The following AGK variants were observed in gnomAD, a reference collection of about 807,000 sequenced individuals.
AGK encodes acylglycerol kinase, mitochondrial.
Under a neutral mutation model 66.4 loss-of-function variants are expected in AGK, and 52 were observed. That is an observed-to-expected ratio of 0.78 (90% CI 0.63 to 0.99). AGK has a LOEUF of 0.99. Among genes scored for constraint, AGK ranks in the 50% least tolerant of loss-of-function variants. The pLI is 0.00. For synonymous variants in AGK, 182 were observed against 181.1 expected (o/e 1.00, Z -0.04); for missense variants, 451 against 506.6 (o/e 0.89, Z 1.05).
At chr7:141,619,772 T>C (rs551219689) in intron 8 of AGK, among the ~76,000 whole-genome samples, 5 of 152,060 alleles carry the variant, frequency 3.3e-5, no homozygotes, top group Admixed American at 2.6e-4. Context: ...CTTTAGAAAA[T>C]GGTTTGGCAG....
chr7:141,646,636 A>G (rs1332157494), intron 13 of AGK, among the ~76,000 whole-genome samples: 1 of 152,214 alleles, frequency 6.6e-6, no homozygotes, highest in East Asian at 1.9e-4. Flanking sequence ...ACAGCCTTGA[A>G]GCTAACAATA....
At chr7:141,594,079 C>T (rs889488849) in intron 3 of AGK, 5 of 152,156 alleles carry the variant, frequency 3.3e-5, no homozygotes, top group African/African-American at 1.2e-4. Flanking sequence ...TGTTATCTAG[C>T]TGTTCTAAAC....
intron 2 of AGK, among the ~76,000 whole-genome samples, chr7:141,584,490 A>G (rs928119672): frequency 2.4e-4 from 37 of 152,174 alleles, no homozygotes; most frequent in African/African-American, 8.7e-4. Context: ...ATGTCTCCCT[A>G]AAATGTATAA....
chr7:141,591,373 G>A (rs772070078), intron 2 of AGK, among the ~76,000 whole-genome samples: 18 of 152,072 alleles, frequency 1.2e-4, no homozygotes, highest in South Asian at 6.2e-4. Context: ...GATTACAGGT[G>A]TGAGCCACTG....
intron 7 of AGK, 48 bp from the exon 8 acceptor site, chr7:141,615,423 G>T: frequency 6.6e-7 from 1 of 1,524,332 alleles, no homozygotes; most frequent in South Asian, 1.1e-5. Context: ...CATTAAGCCT[G>T]ATTTTCTGAT....
Position 141,604,374 on chromosome 7 carries a change from G to GTGTATA in AGK, c.297+3095_297+3096insGTATAT, listed in dbSNP as rs1554400830. Among the ~76,000 whole-genome samples the GTGTATA allele has an allele frequency of 2.1e-3, 241 of 113,800 alleles. 3 individuals are homozygous for GTGTATA. The highest frequency in any genetic ancestry group is 6.4e-3 in the African/African-American group (187 of 29,226). The allele number at this position is 113,800 out of a possible 152,430, so 74.7% of individuals were successfully genotyped here. ...CATATGTATGAATGTGTGTGTGTGT[G>GTGTATA]TATATATATATATATATATATATAT... On this transcript the variant is annotated intron_variant, in intron 5 of 15. Transcript: ENST00000649286.
intron 13 of AGK, 126 bp from the exon 14 acceptor site, chr7:141,649,137 T>A (rs1797488839): frequency 1.2e-5 from 5 of 412,770 alleles, no homozygotes; most frequent in Non-Finnish European, 2.2e-5. Context: ...TGGAATTAAA[T>A]CACTACAAGT....
At position 141,633,897 on chromosome 7, in the gene AGK, C is replaced by T. The variant is rs1200488928; in HGVS notation, c.589-4C>T. 1.2e-6 allele frequency: 2 copies of T among 1,612,316 alleles called. No homozygotes were observed. Among genetic ancestry groups the T allele is most frequent in the Non-Finnish European group, 1.7e-6 (2 of 1,178,408 alleles). On this transcript the variant is annotated splice_polypyrimidine_tract_variant and splice_region_variant and intron_variant, in intron 9 of 15. Coordinates refer to ENST00000649286, the MANE Select transcript of AGK (RefSeq NM_018238.4). The stretch of plus-strand genomic sequence containing the variant: ...AATTTAAATGAAATGTATTTAACTT[C>T]CAGGGTGAAAAGGAACAGCCTGTAT...
Position 141,654,651 on chromosome 7 carries a change from C to T in AGK, c.*1727C>T, listed in dbSNP as rs1281012894. ...GTTCAGTGGCCCTGAGGTTCTTACA[C>T]TCTAGGGGGCAGTGCACCACAGGAA... On this transcript the variant is annotated 3_prime_UTR_variant, in exon 16 of 16. Transcript: ENST00000649286. The T allele has an allele frequency of 6.6e-6, 1 of 152,208 alleles. No individual in the cohort carries two copies. Among genetic ancestry groups the T allele is most frequent in the Non-Finnish European group, 1.5e-5 (1 of 68,050 alleles). 9.4% of individuals were successfully genotyped at this position (152,208 alleles called of 1,614,324 possible). A position where few individuals can be genotyped will look rare whatever the true frequency, so the allele number is the denominator to read the frequency against.
At chr7:141,636,005 T>G (rs979580445) in intron 10 of AGK, among the ~76,000 whole-genome samples, 3 of 152,230 alleles carry the variant, frequency 2.0e-5, no homozygotes, top group African/African-American at 7.2e-5. Context: ...TGTTGAGTGA[T>G]TTGTTAACAG....
chr7:141,636,131 C>A (rs1461945971), intron 10 of AGK, among the ~76,000 whole-genome samples: 2 of 152,094 alleles, frequency 1.3e-5, no homozygotes, highest in African/African-American at 4.8e-5. Flanking sequence ...CTCGTTATTC[C>A]CAGATTTAAC....
intron 2 of AGK, among the ~76,000 whole-genome samples, chr7:141,580,605 A>C (rs536705839): frequency 3.3e-5 from 5 of 152,004 alleles, no homozygotes; most frequent in Non-Finnish European, 5.9e-5. Flanking sequence ...GTGAGGAAGA[A>C]AATAGATTTT....
intron 5 of AGK, among the ~76,000 whole-genome samples, chr7:141,603,217 T>G (rs773438657): frequency 1.3e-5 from 2 of 152,164 alleles, no homozygotes; most frequent in Admixed American, 1.3e-4. Context: ...CTATATAAAT[T>G]CTCAAGAGGG....
rs1043126529 is a variant in AGK at position 141,598,894 on chromosome 7, AT to A, written c.221+2255del. 3.3e-5 allele frequency: 5 copies of A among 152,216 alleles called. No homozygotes were observed. The highest frequency in any genetic ancestry group is 1.2e-4 in the African/African-American group (5 of 41,450). The allele number at this position is 152,216 out of a possible 1,614,324, so 9.4% of individuals were successfully genotyped here. ...TCTAAGAGGTATCTACATTTTTAAA[AT>A]TAATAAGCAAATTTTTCAGAGCAAT... On this transcript the variant is annotated intron_variant, in intron 4 of 15. Coordinates refer to ENST00000649286, the MANE Select transcript of AGK (RefSeq NM_018238.4). This position sits in a 1 kb window ranked among gnomAD's most constrained non-coding sequence, Gnocchi z 4.2.
At chr7:141,601,618 C>G (rs1467659704) in intron 5 of AGK, among the ~76,000 whole-genome samples, 1 of 152,080 alleles carries the variant, frequency 6.6e-6, no homozygotes, top group Non-Finnish European at 1.5e-5. Context: ...AATTTAATTT[C>G]TTAGTAGTTC....
At position 141,654,953 on chromosome 7, in the gene AGK, A is replaced by G. The variant is rs1312434437; in HGVS notation, c.*2029A>G. The G allele has an allele frequency of 1.3e-5, 2 of 152,256 alleles. No individual in the cohort carries two copies. Among genetic ancestry groups the G allele is most frequent in the Non-Finnish European group, 2.9e-5 (2 of 68,046 alleles). 9.4% of individuals were successfully genotyped at this position (152,256 alleles called of 1,614,324 possible). ...AAAAACATAACAGACGGTTCCAAACATCAGCATAAAGATCACTCATCCCAT... is the reference window on the plus strand; with the variant it reads ...AAAAACATAACAGACGGTTCCAAACGTCAGCATAAAGATCACTCATCCCAT... On this transcript the variant is annotated 3_prime_UTR_variant, in exon 16 of 16. Coordinates refer to ENST00000649286, the MANE Select transcript of AGK (RefSeq NM_018238.4).
chr7:141,566,422 A>G (rs1367971675), intron 2 of AGK, among the ~76,000 whole-genome samples: 4 of 152,260 alleles, frequency 2.6e-5, no homozygotes, highest in African/African-American at 9.6e-5. Flanking sequence ...AGAGAATGAA[A>G]GGATGAGTGT....
chr7:141,606,096 A>T (rs527357212), intron 5 of AGK, among the ~76,000 whole-genome samples: 1 of 152,278 alleles, frequency 6.6e-6, no homozygotes, highest in Non-Finnish European at 1.5e-5. Context: ...TCATTCATTC[A>T]TTTACTTGTT....
chr7:141,582,406 C>CT (rs761113848), intron 2 of AGK, among the ~76,000 whole-genome samples: 4 of 151,962 alleles, frequency 2.6e-5, no homozygotes, highest in Non-Finnish European at 5.9e-5. Context: ...TGCCTCTACT[C>CT]TATTATTGTA....
Sources: gnomAD v4.1 joint callset for allele counts (sites outside exome capture counted in the v4.1 genomes callset) on GRCh38, gnomAD v4.1.1 for gene constraint, Gnocchi (gnomAD v3.1) non-coding constraint, MANE v1.5 for transcripts, NCBI Gene and HGNC (gene_info 2026-07-23, HGNC 2026-07-21) for gene names.